ERLEC1: variants seen among roughly 807,000 people sequenced by gnomAD.
ERLEC1 encodes the protein ER lectin.
In ERLEC1, 47 loss-of-function variants were observed where a neutral mutation model predicts 68.0. The observed-to-expected ratio is 0.69, with a 90% CI of 0.55 to 0.88. ERLEC1 has a LOEUF of 0.88. Among genes scored for constraint, ERLEC1 ranks in the 40% least tolerant of loss-of-function variants. ERLEC1 has a pLI of 0.00. For synonymous variants in ERLEC1, 225 were observed against 203.2 expected (o/e 1.11, Z -0.91); for missense variants, 567 against 583.8 (o/e 0.97, Z 0.30).
At position 53,808,478 on chromosome 2, in the gene ERLEC1, A is replaced by G; in HGVS notation, c.1041+18A>G. 1 of 1,610,970 alleles carries G rather than the reference A, an allele frequency of 6.2e-7. No homozygotes were observed. The highest frequency in any genetic ancestry group is 8.5e-7 in the Non-Finnish European group (1 of 1,179,522). ...TTCGTGGGGTGAGAAGTAAATCTTC[A>G]GTTTAAATATTTATTTTACAACTTT... is the stretch of plus-strand genomic sequence containing the variant. On this transcript the variant is annotated intron_variant, in intron 9 of 13. Coordinates refer to ENST00000185150, the MANE Select transcript of ERLEC1 (RefSeq NM_015701.5).
chr2:53,816,973 C>T (rs1460139664), intron 13 of ERLEC1, among the ~76,000 whole-genome samples: 1 of 152,108 alleles, frequency 6.6e-6, no homozygotes, highest in Admixed American at 6.6e-5. Flanking sequence ...TTTATTCCCA[C>T]TTTTTTTCCT....
chr2:53,801,541 C>A lies in ERLEC1; in HGVS notation c.670C>A (p.Leu224Ile), dbSNP rs1330662320. 6.2e-7 allele frequency: 1 copy of A among 1,614,110 alleles called. No individual in the cohort carries two copies. Among genetic ancestry groups the A allele is most frequent in the Admixed American group, 1.7e-5 (1 of 60,014 alleles). Residue 224 changes from leucine to isoleucine, a missense_variant, in exon 7 of 14, where the codon CTT becomes ATT. Coordinates refer to ENST00000185150, the MANE Select transcript of ERLEC1 (RefSeq NM_015701.5). ...TCATCCTGAATCTAAGCATGAAATT[C>A]TTTCAGTAGCTGAAGTTACAACTTG... ...ICHPESKHEI[L>I]SVAEVTTCEY...
chr2:53,813,843 G>C (rs930078890), intron 11 of ERLEC1, among the ~76,000 whole-genome samples: 24 of 151,580 alleles, frequency 1.6e-4, no homozygotes, highest in African/African-American at 5.8e-4. Context: ...CAATGTGCAG[G>C]TTAGTTACAT....
chr2:53,791,832 C>T (rs906518567), intron 1 of ERLEC1, among the ~76,000 whole-genome samples: 1 of 142,534 alleles, frequency 7.0e-6, no homozygotes, highest in African/African-American at 2.6e-5. Context: ...CTAAGAAATT[C>T]TTTATCATAA....
chr2:53,812,969 C>G lies in ERLEC1; in HGVS notation c.1122C>G (p.Thr374=). Residue 374 remains threonine (T), a synonymous_variant, in exon 11 of 14, where the codon ACC becomes ACG. Coordinates refer to ENST00000185150, the MANE Select transcript of ERLEC1 (RefSeq NM_015701.5). ...ATTAGGACAAGGATAGTGGGAAAAC[C>G]TCTGTGGTTGTCGGGACATGGAACC... ...QYHEDKDSGK[T]SVVVGTWNQE... 6.2e-7 allele frequency: 1 copy of G among 1,612,916 alleles called. No individual in the cohort carries two copies. Among genetic ancestry groups the G allele is most frequent in the Non-Finnish European group, 8.5e-7 (1 of 1,179,780 alleles).
chr2:53,816,603 A>G (rs375468005), intron 13 of ERLEC1, among the ~76,000 whole-genome samples: 20 of 152,168 alleles, frequency 1.3e-4, no homozygotes, highest in African/African-American at 4.3e-4. Flanking sequence ...GGTGAATGAA[A>G]AATTTTTATT....
At chr2:53,809,390 T>G in intron 10 of ERLEC1, 117 bp downstream of exon 10, 1 of 754,998 alleles carries the variant, frequency 1.3e-6, no homozygotes, top group Non-Finnish European at 2.1e-6. Flanking sequence ...TTTAATATGA[T>G]TAGTATAATC....
chr2:53,792,808 G>C (rs1035803422), intron 1 of ERLEC1, among the ~76,000 whole-genome samples: 1 of 152,148 alleles, frequency 6.6e-6, no homozygotes, highest in Non-Finnish European at 1.5e-5. Context: ...CTTGAGCCTA[G>C]GAGTTTGAGA....
chr2:53,792,216 C>CT lies in ERLEC1; in HGVS notation c.163-2112dup, dbSNP rs535494639. ...ACCGGCGTGAGCCACCGCGCCAGGC[C>CT]TTTTTTTTTTTTTTTTTAATAAGTT... On this transcript the variant is annotated intron_variant, in intron 1 of 13. Coordinates refer to ENST00000185150, the MANE Select transcript of ERLEC1 (RefSeq NM_015701.5). 9.5e-3 allele frequency among the ~76,000 whole-genome samples: 1,316 copies of CT among 138,132 alleles called. 18 individuals carry two copies. The highest frequency in any genetic ancestry group is 0.026 in the African/African-American group (980 of 37,560). 90.6% of individuals were successfully genotyped at this position (138,132 alleles called of 152,430 possible).
chr2:53,787,062 C>G lies in ERLEC1; in HGVS notation c.-149C>G. 1 of 1,126,836 alleles carries G rather than the reference C, an allele frequency of 8.9e-7. No homozygotes were observed. Among genetic ancestry groups the G allele is most frequent in the Non-Finnish European group, 1.2e-6 (1 of 832,644 alleles). The allele number at this position is 1,126,836 out of a possible 1,614,324, so 69.8% of individuals were successfully genotyped here. A position where few individuals can be genotyped will look rare whatever the true frequency, so the allele number is the denominator to read the frequency against. On this transcript the variant is annotated 5_prime_UTR_variant, in exon 1 of 14. Coordinates refer to ENST00000185150, the MANE Select transcript of ERLEC1 (RefSeq NM_015701.5). Reference sequence around the variant, plus strand: ...AGGGGGCGGAGGCGGCGTTGCCGGGCTCTCCGGAAGGAGACGTGGCGGCGG... The same window carrying G: ...AGGGGGCGGAGGCGGCGTTGCCGGGGTCTCCGGAAGGAGACGTGGCGGCGG...
In ERLEC1 at chr2:53,810,183, C is replaced by T. The variant is rs192767190; in HGVS notation, c.1101+910C>T. Among the ~76,000 whole-genome samples the T allele has an allele frequency of 2.2e-3, 340 of 152,122 alleles. 1 individual carries two copies. The highest frequency in any genetic ancestry group is 3.8e-3 in the Non-Finnish European group (256 of 67,978). The stretch of plus-strand genomic sequence containing the variant: ...GTTTCTCAGCCAAAAGAATAAGACA[C>T]CCTGGGCCAGGCATAGTGGCTCATG... On this transcript the variant is annotated intron_variant, in intron 10 of 13. Transcript: ENST00000185150.
intron 10 of ERLEC1, among the ~76,000 whole-genome samples, chr2:53,811,655 C>G (rs1676597179): frequency 6.6e-6 from 1 of 151,996 alleles, no homozygotes; most frequent in Non-Finnish European, 1.5e-5. Flanking sequence ...ATTGTTATTC[C>G]AAGATGAGGA....
rs201111470 is a variant in ERLEC1 at position 53,787,270 on chromosome 2, C to T, written c.60C>T (p.Val20=). The change falls in exon 1 of 14, where the codon GTC becomes GTT. Residue 20 remains valine, a synonymous_variant. Transcript: ENST00000185150. The part of the protein sequence containing the change: ...SLVPGGPVLL[V]LCGLLEASGG... ...TCCCGGGCGGGCCGGTGTTACTGGTCCTCTGCGGCCTCCTGGAGGCGTCCG... is the reference window on the plus strand; with the variant it reads ...TCCCGGGCGGGCCGGTGTTACTGGTTCTCTGCGGCCTCCTGGAGGCGTCCG... 42 of 1,608,406 alleles carry T rather than the reference C, an allele frequency of 2.6e-5. No individual in the cohort carries two copies. The African/African-American group carries it at 5.1e-4, about 19-fold the overall frequency.
At chr2:53,792,369 T>C (rs945656758) in intron 1 of ERLEC1, among the ~76,000 whole-genome samples, 10 of 152,104 alleles carry the variant, frequency 6.6e-5, no homozygotes, top group African/African-American at 2.4e-4. Context: ...TGCATAGTAA[T>C]CTAGGAGAAG....
chr2:53,794,401 TAAAGAA>T lies in ERLEC1; in HGVS notation c.223_228del (p.Glu75_Lys76del). 1 of 1,589,956 alleles carries T rather than the reference TAAAGAA, an allele frequency of 6.3e-7. No individual in the cohort carries two copies. The highest frequency in any genetic ancestry group is 2.3e-5 in the East Asian group (1 of 44,368). On this transcript the variant is annotated inframe_deletion, in exon 2 of 14. Transcript: ENST00000185150. ...ATTATGTCATCATGACAACTGCACA[TAAAGAA>T]AAATATAAATGCATACTTCCCCTTG...
intron 6 of ERLEC1, among the ~76,000 whole-genome samples, chr2:53,801,003 T>C (rs1009652617): frequency 6.6e-6 from 1 of 152,150 alleles, no homozygotes; most frequent in Admixed American, 6.6e-5. Context: ...ATATAGCCAT[T>C]TACCGAGAGT....
chr2:53,793,496 A>C (rs1001040513), intron 1 of ERLEC1, among the ~76,000 whole-genome samples: 6 of 152,222 alleles, frequency 3.9e-5, no homozygotes, highest in African/African-American at 1.4e-4. Context: ...CGCAACAGAG[A>C]CCATATGGCT....
intron 6 of ERLEC1, among the ~76,000 whole-genome samples, chr2:53,799,329 C>T (rs938601190): frequency 2.6e-5 from 4 of 152,132 alleles, no homozygotes; most frequent in Non-Finnish European, 5.9e-5. Context: ...GGGGAAGATT[C>T]TGTAATAGCA....
At position 53,796,013 on chromosome 2, in the gene ERLEC1, A is replaced by C. The variant is rs748167748; in HGVS notation, c.348A>C (p.Arg116Ser). 6.3e-7 allele frequency: 1 copy of C among 1,585,790 alleles called. No individual in the cohort carries two copies. The highest frequency in any genetic ancestry group is 8.6e-7 in the Non-Finnish European group (1 of 1,166,260). Reference protein sequence around the residue: ...PLFKQSSCSYRIESYWTYEVC... With the variant: ...PLFKQSSCSYSIESYWTYEVC... ...TTAAACAAAGCAGTTGTTCCTACAG[A>C]GTATGTATTTTATGTTTACTTGATG... Residue 116 changes from arginine (R) to serine (S), a missense_variant and splice_region_variant, in exon 3 of 14, where the codon AGA (arginine) becomes AGC (serine). By Grantham distance (110) the Arg-to-Ser change is moderately radical (BLOSUM62 -1). Transcript: ENST00000185150.
Sources: allele counts gnomAD v4.1 joint callset (sites outside exome capture counted in the v4.1 genomes callset), GRCh38; gene constraint gnomAD v4.1.1; transcripts MANE v1.5; gene names NCBI Gene and HGNC (gene_info 2026-07-23, HGNC 2026-07-21).